The following RASGRP3 variants were observed in gnomAD, a reference collection of about 807,000 sequenced individuals.
The protein encoded by RASGRP3 is RAS guanyl releasing protein 3.
RASGRP3 carries 54 observed loss-of-function variants against 82.7 expected under a neutral mutation model. The ratio of observed to expected loss-of-function variants is 0.65; its 90% CI spans 0.52 to 0.82. The LOEUF is 0.82. Among genes scored for constraint, RASGRP3 ranks in the 40% least tolerant of loss-of-function variants. The pLI, the probability that RASGRP3 is intolerant of heterozygous loss-of-function variation, is 0.00. For missense variants in RASGRP3, 861 were observed against 828.9 expected (o/e 1.04, Z -0.48); for synonymous variants, 309 against 300.5 (o/e 1.03, Z -0.29).
chr2:33,562,884 T>C lies in RASGRP3; in HGVS notation c.*147T>C. The C allele has an allele frequency of 9.4e-7, 1 of 1,065,958 alleles. No individual in the cohort carries two copies. The highest frequency in any genetic ancestry group is 1.6e-5 in the African/African-American group (1 of 61,930). 66.0% of individuals were successfully genotyped at this position (1,065,958 alleles called of 1,614,324 possible). A position where few individuals can be genotyped will look rare whatever the true frequency, so the allele number is the denominator to read the frequency against. ...TTGGGACACTGTGGGATCTCCATGT[T>C]TGGACTATGGGACAGAGAATTGACC... On this transcript the variant is annotated 3_prime_UTR_variant, in exon 18 of 18. Coordinates refer to ENST00000403687, the MANE Select transcript of RASGRP3 (RefSeq NM_001139488.2).
chr2:33,485,085 C>A (rs1418386232), intron 1 of RASGRP3, among the ~76,000 whole-genome samples: 1 of 152,168 alleles, frequency 6.6e-6, no homozygotes, highest in East Asian at 1.9e-4. Context: ...ATAATCCCAA[C>A]TACTTGGAAG....
intron 1 of RASGRP3, among the ~76,000 whole-genome samples, chr2:33,479,635 T>C (rs1667714117): frequency 1.3e-5 from 2 of 152,116 alleles, no homozygotes; most frequent in Non-Finnish European, 2.9e-5. Context: ...AGGTATGCTT[T>C]TCTTCACTGC....
intron 1 of RASGRP3, among the ~76,000 whole-genome samples, chr2:33,506,300 A>G (rs1397765518): frequency 6.6e-6 from 1 of 152,236 alleles, no homozygotes; most frequent in East Asian, 1.9e-4. Context: ...AACAACAGCT[A>G]AAATTTTTGT....
chr2:33,455,524 G>A (rs1665992044), intron 2 of RASGRP3, among the ~76,000 whole-genome samples: 1 of 152,240 alleles, frequency 6.6e-6, no homozygotes, highest in African/African-American at 2.4e-5. Context: ...AATGTCCATA[G>A]TTTCCTAGTA....
At position 33,457,317 on chromosome 2, in the gene RASGRP3, T is replaced by G. The variant is rs139911440; in HGVS notation, c.-261+9374T>G. ...TTTTTAAAAAAACCTGGAACCCTCT[T>G]TTTTTCTTCAAAGTGGATATATGTT... On this transcript the variant is annotated intron_variant, in intron 2 of 18. Transcript: ENST00000402538. Among the ~76,000 whole-genome samples, 1,169 of 152,308 alleles carry G rather than the reference T, an allele frequency of 7.7e-3. 15 individuals carry two copies. Among genetic ancestry groups the G allele is most frequent in the African/African-American group, 0.027 (1,114 of 41,566 alleles).
intron 1 of RASGRP3, among the ~76,000 whole-genome samples, chr2:33,486,534 A>G (rs1432675048): frequency 1.3e-5 from 2 of 152,204 alleles, no homozygotes; most frequent in Non-Finnish European, 2.9e-5. Flanking sequence ...TATAGAATTT[A>G]TCCCATAGGA....
intron 14 of RASGRP3, among the ~76,000 whole-genome samples, chr2:33,550,165 C>G (rs1675224867): frequency 6.6e-6 from 1 of 152,070 alleles, no homozygotes; most frequent in Admixed American, 6.6e-5. Context: ...CAATAATTCA[C>G]AACTCAAAAA....
intron 11 of RASGRP3, among the ~76,000 whole-genome samples, chr2:33,538,776 T>C (rs1233933161): frequency 6.6e-6 from 1 of 152,130 alleles, no homozygotes; most frequent in Non-Finnish European, 1.5e-5. Flanking sequence ...TGGTAGCTCA[T>C]GCCTATAATC....
At chr2:33,443,970 C>T (rs660839) in intron 1 of RASGRP3, among the ~76,000 whole-genome samples, 119,258 of 152,122 alleles carry the variant, frequency 0.78, 47,291 homozygotes, top group African/African-American at 0.8. Flanking sequence ...GACCACATTT[C>T]AAAAAATAAA....
intron 1 of RASGRP3, among the ~76,000 whole-genome samples, chr2:33,502,001 A>T (rs1326552803): frequency 6.6e-6 from 1 of 152,188 alleles, no homozygotes; most frequent in African/African-American, 2.4e-5. Context: ...CAGGAAGTAG[A>T]AGGGGAGTTA....
intron 2 of RASGRP3, among the ~76,000 whole-genome samples, chr2:33,451,917 T>TTTG (rs1195777195): frequency 6.6e-6 from 1 of 152,102 alleles, no homozygotes; most frequent in Non-Finnish European, 1.5e-5. Context: ...TTACTTCTTC[T>TTTG]TTGTTGTTGT....
chr2:33,563,894 T>C lies in RASGRP3; in HGVS notation c.*1157T>C, dbSNP rs1574524987. 1 of 152,138 alleles carries C rather than the reference T, an allele frequency of 6.6e-6. No homozygotes were observed. The allele number at this position is 152,138 out of a possible 1,614,324, so 9.4% of individuals were successfully genotyped here. ...GTTATGGGTCTATTTCTTCCATGAT[T>C]AGAGGAGAGAGAACTTGATTCAAGA... On this transcript the variant is annotated 3_prime_UTR_variant, in exon 18 of 18. Coordinates refer to ENST00000403687, the MANE Select transcript of RASGRP3 (RefSeq NM_001139488.2).
At chr2:33,479,571 G>A (rs1254418224) in intron 1 of RASGRP3, among the ~76,000 whole-genome samples, 1 of 152,144 alleles carries the variant, frequency 6.6e-6, no homozygotes, top group East Asian at 1.9e-4. Flanking sequence ...TGAGCTGTGG[G>A]TGTAAGGGGT....
intron 1 of RASGRP3, among the ~76,000 whole-genome samples, chr2:33,439,483 A>G (rs1454066892): frequency 6.6e-6 from 1 of 152,216 alleles, no homozygotes; most frequent in East Asian, 1.9e-4. Flanking sequence ...GTCAGATGAA[A>G]TACAGGATGC....
chr2:33,538,159 A>T (rs571313459), intron 11 of RASGRP3, among the ~76,000 whole-genome samples: 2 of 152,300 alleles, frequency 1.3e-5, no homozygotes, highest in South Asian at 4.1e-4. Flanking sequence ...GAGAACTCGG[A>T]TAGGATTTTT....
At chr2:33,491,764 T>C (rs1013291330) in intron 1 of RASGRP3, among the ~76,000 whole-genome samples, 1 of 152,262 alleles carries the variant, frequency 6.6e-6, no homozygotes, top group Non-Finnish European at 1.5e-5. Context: ...ATTATATAAT[T>C]GTCTATGCAG....
At chr2:33,536,854 C>T (rs1045025056) in intron 11 of RASGRP3, among the ~76,000 whole-genome samples, 9 of 152,118 alleles carry the variant, frequency 5.9e-5, no homozygotes, top group South Asian at 4.1e-4. Context: ...TGGGTGCCGG[C>T]GTGGGGGCCG....
chr2:33,550,724 A>ATAT (rs1675274440), intron 14 of RASGRP3, among the ~76,000 whole-genome samples: 1 of 152,160 alleles, frequency 6.6e-6, no homozygotes, highest in Non-Finnish European at 1.5e-5. Context: ...TCGTTGACCC[A>ATAT]TATTGAATTT....
intron 14 of RASGRP3, among the ~76,000 whole-genome samples, chr2:33,554,099 T>TTGAG (rs1258023302): frequency 6.6e-6 from 1 of 152,216 alleles, no homozygotes; most frequent in East Asian, 1.9e-4. Context: ...AAAGGAATCC[T>TTGAG]TGAGTTTTCT....
Sources: gnomAD v4.1 joint callset for allele counts (sites outside exome capture counted in the v4.1 genomes callset) on GRCh38, gnomAD v4.1.1 for gene constraint, MANE v1.5 for transcripts, NCBI Gene and HGNC (gene_info 2026-07-23, HGNC 2026-07-21) for gene names.